The following DLGAP2 variants were observed in gnomAD, a reference collection of about 807,000 sequenced individuals.
DLGAP2 encodes the protein DLG associated protein 2, also known as disks large-associated protein 2.
In DLGAP2, 26 loss-of-function variants were observed where a neutral mutation model predicts 100.3. That is an observed-to-expected ratio of 0.26 (90% CI 0.19 to 0.36). The LOEUF (loss-of-function observed/expected upper bound fraction) is 0.36, where lower values mean the gene tolerates loss of function less well. DLGAP2 is among the 10% of genes least tolerant of loss of function. The pLI, the probability that DLGAP2 is intolerant of heterozygous loss-of-function variation, is 1.00. For missense variants in DLGAP2, 1,858 were observed against 1,453.2 expected, an observed-to-expected ratio of 1.28 and a Z score of -4.53; for synonymous variants, 886 against 630.1, an observed-to-expected ratio of 1.41 and a Z score of -6.08.
At chr8:866,406 C>A (rs1329086025) in intron 1 of DLGAP2, among the ~76,000 whole-genome samples, 2 of 152,222 alleles carry the variant, frequency 1.3e-5, no homozygotes, top group African/African-American at 4.8e-5. Flanking sequence ...GGCCTGGGAA[C>A]CATGTCTCTG....
At chr8:1,179,690 C>A (rs77135357) in intron 2 of DLGAP2, among the ~76,000 whole-genome samples, 1 of 151,980 alleles carries the variant, frequency 6.6e-6, no homozygotes, top group Non-Finnish European at 1.5e-5. Flanking sequence ...ATTAAGCGAC[C>A]CTGGAATATC....
At chr8:1,180,476 G>T (rs1414160490) in intron 2 of DLGAP2, among the ~76,000 whole-genome samples, 5 of 152,220 alleles carry the variant, frequency 3.3e-5, no homozygotes, top group Non-Finnish European at 7.3e-5. Context: ...TCTCAGGCAG[G>T]AGCCACCGTG....
chr8:1,290,377 G>A (rs972268036), intron 3 of DLGAP2, among the ~76,000 whole-genome samples: 1 of 152,160 alleles, frequency 6.6e-6, no homozygotes, highest in South Asian at 2.1e-4. Flanking sequence ...ACATAGTGAC[G>A]GCAGGGTTTG....
At position 785,257 on chromosome 8, in the gene DLGAP2, C is replaced by T. The variant is rs540323813; in HGVS notation, c.18+47432C>T. 7.9e-4 allele frequency among the ~76,000 whole-genome samples: 94 copies of T among 118,548 alleles called. 1 individual carries two copies. The highest frequency in any genetic ancestry group is 2.4e-3 in the African/African-American group (85 of 36,138). The allele number at this position is 118,548 out of a possible 152,430, so 77.8% of individuals were successfully genotyped here. On this transcript the variant is annotated intron_variant, in intron 1 of 14. Transcript: ENST00000637795. The stretch of plus-strand genomic sequence containing the variant: ...AAAAAAAAAAAAAAAAAAAAAGGCA[C>T]GTCCTGACACTTCAGATGCGCCGGA...
chr8:980,758 A>G (rs1333060858), intron 2 of DLGAP2, among the ~76,000 whole-genome samples: 1 of 152,054 alleles, frequency 6.6e-6, no homozygotes, highest in Non-Finnish European at 1.5e-5. Flanking sequence ...GAGATGCAGG[A>G]TAGGGAATGG....
chr8:1,175,437 A>G (rs1197693182), intron 2 of DLGAP2, among the ~76,000 whole-genome samples: 2 of 152,242 alleles, frequency 1.3e-5, no homozygotes, highest in African/African-American at 4.8e-5. Flanking sequence ...GCCTTCATTT[A>G]TAAAAAGGAA....
chr8:1,249,465 A>G (rs889657434), intron 2 of DLGAP2, among the ~76,000 whole-genome samples: 2 of 152,136 alleles, frequency 1.3e-5, no homozygotes, highest in Admixed American at 6.5e-5. Flanking sequence ...TCTATTTCTC[A>G]TGTTCTCATA....
intron 3 of DLGAP2, among the ~76,000 whole-genome samples, chr8:1,314,044 C>G (rs1448131356): frequency 1.3e-5 from 2 of 152,172 alleles, no homozygotes; most frequent in Non-Finnish European, 2.9e-5. Context: ...GAATTCGTAG[C>G]AACACACGCT....
chr8:1,372,714 A>T (rs1802274958), intron 3 of DLGAP2, among the ~76,000 whole-genome samples: 3 of 152,228 alleles, frequency 2.0e-5, no homozygotes, highest in Non-Finnish European at 4.4e-5. Context: ...GAGGAAGATC[A>T]GAGAGAGATA....
intron 3 of DLGAP2, among the ~76,000 whole-genome samples, chr8:1,272,228 T>A (rs1407246224): frequency 6.6e-6 from 1 of 152,180 alleles, no homozygotes; most frequent in Non-Finnish European, 1.5e-5. Flanking sequence ...TAGGACAAAT[T>A]GAATTTGAGT....
intron 2 of DLGAP2, among the ~76,000 whole-genome samples, chr8:1,093,078 C>G (rs931037721): frequency 3.9e-5 from 6 of 152,110 alleles, no homozygotes; most frequent in African/African-American, 1.4e-4. Flanking sequence ...AAAACCGAGG[C>G]CGAGCTCCTT....
chr8:820,641 G>A (rs543486262), intron 1 of DLGAP2, among the ~76,000 whole-genome samples: 6 of 152,320 alleles, frequency 3.9e-5, no homozygotes, highest in African/African-American at 1.4e-4. Context: ...TTGTTGATAT[G>A]TGGCAATGTA....
intron 1 of DLGAP2, among the ~76,000 whole-genome samples, chr8:782,684 A>G (rs985490963): frequency 6.6e-6 from 1 of 152,082 alleles, no homozygotes; most frequent in African/African-American, 2.4e-5. Flanking sequence ...CTGAACACTG[A>G]TTTTATCACC....
chr8:974,482 T>C (rs1380767237), intron 2 of DLGAP2, among the ~76,000 whole-genome samples: 3 of 152,204 alleles, frequency 2.0e-5, no homozygotes, highest in African/African-American at 7.2e-5. Context: ...TTCATCAAGA[T>C]AGAATATATT....
chr8:1,181,732 A>C (rs1247287938), intron 2 of DLGAP2, among the ~76,000 whole-genome samples: 2 of 152,182 alleles, frequency 1.3e-5, no homozygotes, highest in Non-Finnish European at 2.9e-5. Context: ...TAAATTTGCA[A>C]TACTGAAGCA....
chr8:770,381 C>T (rs1184571282), intron 1 of DLGAP2, among the ~76,000 whole-genome samples: 1 of 152,158 alleles, frequency 6.6e-6, no homozygotes, highest in Non-Finnish European at 1.5e-5. Flanking sequence ...ATCACAGGTC[C>T]ATGCTATGCC....
intron 3 of DLGAP2, among the ~76,000 whole-genome samples, chr8:1,308,052 C>T (rs76239188): frequency 0.021 from 3,187 of 152,250 alleles, 30 homozygotes; most frequent in South Asian, 0.031. Context: ...CATGGGGGAA[C>T]GCACAAAGCT....
intron 3 of DLGAP2, among the ~76,000 whole-genome samples, chr8:1,446,103 C>T (rs1354377873): frequency 6.6e-6 from 1 of 151,778 alleles, no homozygotes; most frequent in East Asian, 1.9e-4. Flanking sequence ...TAATTAGATC[C>T]CATTTGTCAA....
intron 5 of DLGAP2, among the ~76,000 whole-genome samples, chr8:1,556,895 C>T (rs186040414): frequency 3.3e-5 from 5 of 152,258 alleles, no homozygotes; most frequent in Admixed American, 6.5e-5. Context: ...ATGTACATCC[C>T]GGGAGGCAGC....
Sources: gnomAD v4.1 joint callset for allele counts (sites outside exome capture counted in the v4.1 genomes callset) on GRCh38, gnomAD v4.1.1 for gene constraint, MANE v1.5 for transcripts, NCBI Gene and HGNC (gene_info 2026-07-23, HGNC 2026-07-21) for gene names.